Variants in SUMF1 observed in about 807,000 individuals in gnomAD.
SUMF1 encodes formylglycine-generating enzyme.
SUMF1 carries 48 observed loss-of-function variants against 47.6 expected under a neutral mutation model. That is an observed-to-expected ratio of 1.01 (90% CI 0.80 to 1.28). SUMF1 has a LOEUF of 1.28. Ranked by LOEUF, SUMF1 falls within the 50% of genes most tolerant of loss-of-function variation. The pLI, the probability that SUMF1 is intolerant of heterozygous loss-of-function variation, is 0.00. For missense variants in SUMF1, 571 were observed against 485.4 expected (o/e 1.18, Z -1.66); for synonymous variants, 230 against 192.1 (o/e 1.20, Z -1.63).
rs1006926675 is a variant in SUMF1 at position 4,095,538 on chromosome 3, A to C, written c.1015-26793T>G. Among the ~76,000 whole-genome samples the C allele has an allele frequency of 5.3e-5, 8 of 152,144 alleles. No homozygotes were observed. The East Asian group carries it at 1.5e-3, about 29-fold the overall frequency. ...TGTTCAGCATTGTTCAAGGAGAAAC[A>C]TTGATGTTTTCTGCCACTGACAAGA... On this transcript the variant is annotated intron_variant and NMD_transcript_variant, in intron 8 of 12. Transcript: ENST00000448413.
intron 1 of SUMF1, among the ~76,000 whole-genome samples, chr3:4,456,732 GTATA>G (rs1020080600): frequency 7.8e-5 from 7 of 89,290 alleles, no homozygotes; most frequent in Non-Finnish European, 1.4e-4. Flanking sequence ...ATATACGTGT[GTATA>G]TATACACACA....
intron 8 of SUMF1, 37 bp from the exon 9 acceptor site, chr3:4,362,291 G>T: frequency 6.4e-7 from 1 of 1,570,232 alleles, no homozygotes. Context: ...GTGCTACTGG[G>T]ACTCTCAGCT....
Position 4,151,843 on chromosome 3 carries a change from C to A in SUMF1, c.1015-83098G>T, listed in dbSNP as rs556485217. Among the ~76,000 whole-genome samples, 171 of 151,548 alleles carry A rather than the reference C, an allele frequency of 1.1e-3. 10 individuals carry two copies. The highest frequency in any genetic ancestry group is 4.0e-3 in the African/African-American group (163 of 40,888). On this transcript the variant is annotated intron_variant and NMD_transcript_variant, in intron 8 of 12. Transcript: ENST00000448413. Reference sequence around the variant, plus strand: ...ACAAGCTTGATATAGAGAAAAGATGCACTGGGACAGGTACGACAACTCCAG... The same window carrying A: ...ACAAGCTTGATATAGAGAAAAGATGAACTGGGACAGGTACGACAACTCCAG...
Position 4,245,857 on chromosome 3 carries a change from T to C in SUMF1, c.1014+130473A>G, listed in dbSNP as rs149438454. Among the ~76,000 whole-genome samples, 618 of 152,310 alleles carry C rather than the reference T, an allele frequency of 4.1e-3. 3 individuals are homozygous for C. The highest frequency in any genetic ancestry group is 0.014 in the African/African-American group (578 of 41,572). ...ATGCCCTGCCCCTAGAGGTGGAATCTAGAGAGGCAGTAGCCCTTGCTGAGC... is the reference window on the plus strand; with the variant it reads ...ATGCCCTGCCCCTAGAGGTGGAATCCAGAGAGGCAGTAGCCCTTGCTGAGC... On this transcript the variant is annotated intron_variant and NMD_transcript_variant, in intron 8 of 12. Coordinates refer to the SUMF1 transcript ENST00000448413.
chr3:4,396,458 G>A (rs148105021), intron 7 of SUMF1, among the ~76,000 whole-genome samples: 31 of 152,268 alleles, frequency 2.0e-4, no homozygotes, highest in Non-Finnish European at 3.8e-4. Flanking sequence ...GCATCACCAC[G>A]GGACCTACCG....
At chr3:4,458,715 C>G (rs1028173352) in intron 1 of SUMF1, among the ~76,000 whole-genome samples, 2 of 151,980 alleles carry the variant, frequency 1.3e-5, no homozygotes, top group African/African-American at 4.8e-5. Context: ...CTTAGCCAGG[C>G]GTTGGTGGCG....
chr3:4,190,334 G>A (rs1030446755), intron 8 of SUMF1, among the ~76,000 whole-genome samples: 1 of 152,106 alleles, frequency 6.6e-6, no homozygotes, highest in Non-Finnish European at 1.5e-5. Context: ...GTTGGCGACA[G>A]CAACGTGTCT....
At chr3:4,052,860 A>G (rs1014375722) in intron 9 of SUMF1, among the ~76,000 whole-genome samples, 2 of 152,160 alleles carry the variant, frequency 1.3e-5, no homozygotes, top group African/African-American at 4.8e-5. Context: ...TATGTGGTTT[A>G]ATGTTCCATC....
At chr3:4,242,212 C>T (rs1212821171) in intron 8 of SUMF1, among the ~76,000 whole-genome samples, 1 of 152,156 alleles carries the variant, frequency 6.6e-6, no homozygotes, top group African/African-American at 2.4e-5. Flanking sequence ...ACAATCATGT[C>T]ATCTGCAAAC....
chr3:4,227,985 T>A, intron 8 of SUMF1, among the ~76,000 whole-genome samples: 1 of 152,072 alleles, frequency 6.6e-6, no homozygotes, highest in East Asian at 1.9e-4. Context: ...GGAGTAGCCA[T>A]AGGGACAGTT....
intron 8 of SUMF1, among the ~76,000 whole-genome samples, chr3:4,180,773 A>G (rs1014493796): frequency 3.3e-5 from 5 of 150,150 alleles, no homozygotes; most frequent in African/African-American, 1.2e-4. Context: ...AGATCACCTT[A>G]GCCTGGGAGG....
At chr3:4,299,968 T>C (rs1018323175) in intron 8 of SUMF1, among the ~76,000 whole-genome samples, 30 of 152,218 alleles carry the variant, frequency 2.0e-4, no homozygotes, top group African/African-American at 7.2e-4. Flanking sequence ...GATTCTTTTC[T>C]ACATAGAATC....
intron 8 of SUMF1, among the ~76,000 whole-genome samples, chr3:4,296,957 C>T (rs1300839612): frequency 6.6e-6 from 1 of 152,086 alleles, no homozygotes; most frequent in Non-Finnish European, 1.5e-5. Context: ...GACAGCTGTC[C>T]TCTCTCCTTA....
At chr3:4,107,611 T>A (rs931698478) in intron 8 of SUMF1, among the ~76,000 whole-genome samples, 1 of 152,138 alleles carries the variant, frequency 6.6e-6, no homozygotes, top group Non-Finnish European at 1.5e-5. Context: ...TGACATTCAA[T>A]GATCAGCCAT....
intron 2 of SUMF1, among the ~76,000 whole-genome samples, chr3:4,451,925 C>T (rs1702984694): frequency 6.6e-6 from 1 of 152,122 alleles, no homozygotes; most frequent in East Asian, 1.9e-4. Flanking sequence ...CCTCGTGATC[C>T]ACCCACCTCA....
intron 8 of SUMF1, among the ~76,000 whole-genome samples, chr3:4,350,072 G>C (rs1699459399): frequency 6.6e-6 from 1 of 151,252 alleles, no homozygotes; most frequent in South Asian, 2.1e-4. Flanking sequence ...ACGATCTTGG[G>C]TCACTGCAAC....
chr3:4,133,169 A>G (rs1359277893), intron 8 of SUMF1, among the ~76,000 whole-genome samples: 1 of 152,186 alleles, frequency 6.6e-6, no homozygotes, highest in Non-Finnish European at 1.5e-5. Context: ...ATACACTTGT[A>G]CTAAGAAAAA....
chr3:4,389,678 C>T lies in SUMF1; in HGVS notation c.955-13289G>A, dbSNP rs549038912. ...TACTGTTTTCTTTCCACTGCTCAGA[C>T]TGGGTAATTTCTTTTGTTCTAGTTG... is the stretch of plus-strand genomic sequence containing the variant. On this transcript the variant is annotated intron_variant, in intron 7 of 8. Transcript: ENST00000272902. Among the ~76,000 whole-genome samples the T allele has an allele frequency of 2.6e-5, 4 of 152,288 alleles. 1 individual carries two copies. Among genetic ancestry groups the T allele is most frequent in the East Asian group, 1.9e-4 (1 of 5,188 alleles).
chr3:4,408,546 A>G (rs368183085), intron 7 of SUMF1, among the ~76,000 whole-genome samples: 18 of 152,212 alleles, frequency 1.2e-4, no homozygotes, highest in African/African-American at 4.3e-4. Context: ...ATACTTAATC[A>G]GCCAGGTGCA....
Sources: allele counts gnomAD v4.1 joint callset (sites outside exome capture counted in the v4.1 genomes callset), GRCh38; gene constraint gnomAD v4.1.1; transcripts MANE v1.5; gene names NCBI Gene and HGNC (gene_info 2026-07-23, HGNC 2026-07-21).